The following HIVEP3 variants were observed in gnomAD, a reference collection of about 807,000 sequenced individuals.
HIVEP3 encodes the protein transcription factor HIVEP3.
HIVEP3 carries 49 observed loss-of-function variants against 152.8 expected under a neutral mutation model. The observed-to-expected ratio is 0.32, with a 90% CI of 0.26 to 0.41. The LOEUF is 0.41. Among genes scored for constraint, HIVEP3 ranks in the 10% least tolerant of loss-of-function variants. The pLI is 1.00. For missense variants in HIVEP3, 2,790 were observed against 3,103.3 expected (o/e 0.90, Z 2.40); for synonymous variants, 1,269 against 1,289.0 (o/e 0.98, Z 0.33).
At chr1:41,791,916 C>G (rs183332149) in intron 1 of HIVEP3, among the ~76,000 whole-genome samples, 1 of 152,064 alleles carries the variant, frequency 6.6e-6, no homozygotes, top group Non-Finnish European at 1.5e-5. Flanking sequence ...CCTTCCCCCT[C>G]TCCTCCATAT....
intron 1 of HIVEP3, chr1:41,869,775 C>T (rs541241576): frequency 9.9e-5 from 15 of 152,258 alleles, no homozygotes; most frequent in African/African-American, 3.4e-4. Flanking sequence ...AGACTGTACA[C>T]ATTAAATCTG....
At chr1:41,817,314 G>A (rs181403791) in intron 1 of HIVEP3, among the ~76,000 whole-genome samples, 1 of 152,292 alleles carries the variant, frequency 6.6e-6, no homozygotes, top group East Asian at 1.9e-4. Context: ...AATAATTTGG[G>A]GTGGAGGGAA....
At chr1:41,728,355 C>T (rs1246236497) in intron 1 of HIVEP3, among the ~76,000 whole-genome samples, 1 of 152,164 alleles carries the variant, frequency 6.6e-6, no homozygotes, top group Non-Finnish European at 1.5e-5. Flanking sequence ...AGTGCCCAGC[C>T]TAGAGGGGAG....
chr1:41,887,983 T>A (rs567101498), intron 1 of HIVEP3, among the ~76,000 whole-genome samples: 1 of 151,650 alleles, frequency 6.6e-6, no homozygotes, highest in African/African-American at 2.4e-5. Flanking sequence ...AGTGGAGATA[T>A]AGAATGCTCC....
At chr1:41,779,434 T>C (rs115211739) in intron 1 of HIVEP3, among the ~76,000 whole-genome samples, 2,354 of 152,356 alleles carry the variant, frequency 0.015, 35 homozygotes, top group Middle Eastern at 0.031. Context: ...AAAGCACATA[T>C]GGAATAGTAC....
chr1:41,558,525 C>T (rs1644004549), intron 5 of HIVEP3, among the ~76,000 whole-genome samples: 1 of 152,194 alleles, frequency 6.6e-6, no homozygotes, highest in African/African-American at 2.4e-5. Flanking sequence ...CTTGACTCCT[C>T]CTCTTTGTGA....
chr1:41,926,419 C>T (rs1644968489), intron 1 of HIVEP3, among the ~76,000 whole-genome samples: 1 of 152,184 alleles, frequency 6.6e-6, no homozygotes, highest in Non-Finnish European at 1.5e-5. Flanking sequence ...TAGCTTCTAT[C>T]CTTTGTAATT....
intron 1 of HIVEP3, among the ~76,000 whole-genome samples, chr1:41,963,203 C>T (rs1022073524): frequency 2.0e-5 from 3 of 151,796 alleles, no homozygotes; most frequent in East Asian, 1.9e-4. Flanking sequence ...AGTAGAGATG[C>T]GGTTTCACTG....
chr1:41,527,468 ACT>A (rs1643025015), intron 5 of HIVEP3, among the ~76,000 whole-genome samples: 4 of 76,194 alleles, frequency 5.2e-5, no homozygotes, highest in South Asian at 4.9e-4. Context: ...CTGTCCTCAC[ACT>A]CACCTTCATA....
rs533137777 is a variant in HIVEP3, at chr1:41,856,028, G to A, written c.-801+62385C>T. Among the ~76,000 whole-genome samples, 55 of 152,334 alleles carry A rather than the reference G, an allele frequency of 3.6e-4. 1 individual carries two copies. The South Asian group carries it at 9.1e-3, about 25-fold the overall frequency. On this transcript the variant is annotated intron_variant, in intron 1 of 8. Coordinates refer to ENST00000372583, the MANE Select transcript of HIVEP3 (RefSeq NM_024503.5). ...ACCCTCCCAAGTAGCTGGGACTACA[G>A]GTGCATGCCACCAAAGGGGCCTGCT...
intron 3 of HIVEP3, among the ~76,000 whole-genome samples, chr1:41,627,027 G>A (rs1645127439): frequency 6.6e-6 from 1 of 152,222 alleles, no homozygotes; most frequent in Admixed American, 6.5e-5. Flanking sequence ...ACTCGAACCT[G>A]TCTGTAAAGT....
chr1:41,879,772 C>G (rs1010871421), intron 1 of HIVEP3, among the ~76,000 whole-genome samples: 3 of 152,194 alleles, frequency 2.0e-5, no homozygotes. Flanking sequence ...GCTTCTATTT[C>G]CTCTTCTATA....
intron 6 of HIVEP3, among the ~76,000 whole-genome samples, chr1:41,519,294 G>T (rs888144275): frequency 6.6e-6 from 1 of 152,172 alleles, no homozygotes; most frequent in Non-Finnish European, 1.5e-5. Flanking sequence ...CAAGTTGTAG[G>T]TCCAGCCCAC....
intron 1 of HIVEP3, among the ~76,000 whole-genome samples, chr1:41,705,507 A>T (rs1182231356): frequency 1.3e-5 from 2 of 152,204 alleles, no homozygotes; most frequent in African/African-American, 4.8e-5. Context: ...CCTACTTCCA[A>T]AAAGGATGTG....
chr1:41,804,939 C>T (rs928600464), intron 1 of HIVEP3, among the ~76,000 whole-genome samples: 3 of 152,204 alleles, frequency 2.0e-5, no homozygotes, highest in Non-Finnish European at 4.4e-5. Context: ...GCTAATTCTG[C>T]AAGAAGCTTC....
chr1:41,938,813 A>C (rs545707581), intron 1 of HIVEP3, among the ~76,000 whole-genome samples: 1 of 152,232 alleles, frequency 6.6e-6, no homozygotes, highest in South Asian at 2.1e-4. Flanking sequence ...TCTGAGTCCT[A>C]CTCTAGGAAT....
At chr1:41,617,791 A>T (rs761684403) in intron 3 of HIVEP3, among the ~76,000 whole-genome samples, 6 of 152,228 alleles carry the variant, frequency 3.9e-5, no homozygotes, top group Admixed American at 6.5e-5. Context: ...GACCAGCCAA[A>T]TTCTACTCCC....
chr1:41,890,815 C>T (rs796769301), intron 1 of HIVEP3, among the ~76,000 whole-genome samples: 2 of 152,334 alleles, frequency 1.3e-5, no homozygotes, highest in African/African-American at 4.8e-5. Context: ...GGCCTGTTAA[C>T]CCAGGTCTCT....
chr1:41,673,847 G>C (rs547707303), intron 2 of HIVEP3, among the ~76,000 whole-genome samples: 3 of 152,290 alleles, frequency 2.0e-5, no homozygotes, highest in Admixed American at 2.0e-4. Flanking sequence ...GAAGAGAGAG[G>C]ATGAGAACAA....
Sources: gnomAD v4.1 joint callset for allele counts (sites outside exome capture counted in the v4.1 genomes callset) on GRCh38, gnomAD v4.1.1 for gene constraint, MANE v1.5 for transcripts, NCBI Gene and HGNC (gene_info 2026-07-23, HGNC 2026-07-21) for gene names.